Variants in BTNL8 observed in about 807,000 individuals in gnomAD.
The protein encoded by BTNL8 is butyrophilin like 8.
Under a neutral mutation model 36.1 loss-of-function variants are expected in BTNL8, and 22 were observed. The ratio of observed to expected loss-of-function variants is 0.61; its 90% CI spans 0.44 to 0.87. The LOEUF (loss-of-function observed/expected upper bound fraction) is 0.87. Ranked by LOEUF, BTNL8 falls within the 40% of genes least tolerant of loss-of-function variation. The probability of loss-of-function intolerance (pLI) is 0.00; values close to 1 mark genes in which losing one functional copy is unlikely to be tolerated. For missense variants in BTNL8, 526 were observed against 616.9 expected, an observed-to-expected ratio of 0.85 and a Z score of 1.56; for synonymous variants, 203 against 235.6, an observed-to-expected ratio of 0.86 and a Z score of 1.27.
chr5:180,902,081 C>A (rs968271207), intron 1 of BTNL8, among the ~76,000 whole-genome samples: 1 of 152,108 alleles, frequency 6.6e-6, no homozygotes, highest in Non-Finnish European at 1.5e-5. Flanking sequence ...GAAACCTTAA[C>A]GAATTGCCGC....
At chr5:180,940,145 G>A (rs866233887) in intron 3 of BTNL8, among the ~76,000 whole-genome samples, 5 of 152,110 alleles carry the variant, frequency 3.3e-5, no homozygotes, top group Admixed American at 2.0e-4. Context: ...AAGGGGTCAA[G>A]ACCAGCCTGA....
chr5:180,921,660 T>TACACAC lies in BTNL8; in HGVS notation c.673+10076_673+10081dup, dbSNP rs201708722. 6.3e-3 allele frequency among the ~76,000 whole-genome samples: 927 copies of TACACAC among 146,300 alleles called. 9 individuals carry two copies. Among genetic ancestry groups the TACACAC allele is most frequent in the African/African-American group, 0.022 (875 of 39,548 alleles). Reference sequence around the variant, plus strand: ...GGTAGATCTTATATTCTGCTCATACTACACACACACACACACACACACACA... The same window carrying TACACAC: ...GGTAGATCTTATATTCTGCTCATACTACACACACACACACACACACACACACACACA... On this transcript the variant is annotated intron_variant, in intron 3 of 7. Coordinates refer to ENST00000340184, the MANE Select transcript of BTNL8 (RefSeq NM_001040462.3).
chr5:180,909,697 G>T, intron 2 of BTNL8: 1 of 394,420 alleles, frequency 2.5e-6, no homozygotes, highest in Non-Finnish European at 3.4e-6. Flanking sequence ...CTGGGCATAT[G>T]GTAAGACCTC....
At chr5:180,932,071 A>G (rs551372593) in intron 3 of BTNL8, among the ~76,000 whole-genome samples, 3 of 152,338 alleles carry the variant, frequency 2.0e-5, no homozygotes, top group Admixed American at 6.5e-5. Flanking sequence ...ATGCCCATCA[A>G]TGATAGGCTG....
Position 180,911,602 on chromosome 5 carries a change from G to A in BTNL8, c.661G>A (p.Val221Ile), listed in dbSNP as rs201891387. The change falls in exon 3 of 8, where the codon GTA becomes ATA. Residue 221 changes from valine (V) to isoleucine (I), a missense_variant. Val to Ile is a conservative substitution (Grantham distance 29). This residue lies in a region of BTNL8 where 350 missense variants were observed against 324.6 expected (regional missense o/e 1.08). Coordinates refer to ENST00000340184, the MANE Select transcript of BTNL8 (RefSeq NM_001040462.3). The part of the protein sequence containing the change: ...AHLSREVESR[V>I]QIGDTFFEPI... The stretch of plus-strand genomic sequence containing the variant: ...TCTGAGCCGAGAGGTGGAATCCAGG[G>A]TACAGATAGGAGGTGAGTAGGGAGG... The A allele has an allele frequency of 2.6e-4, 421 of 1,611,542 alleles. No homozygotes were observed. Among genetic ancestry groups the A allele is most frequent in the Non-Finnish European group, 3.5e-4 (415 of 1,178,048 alleles).
chr5:180,949,724 A>C (rs1467304808), intron 7 of BTNL8, 180 bp from the exon 8 acceptor site: 3 of 751,338 alleles, frequency 4.0e-6, no homozygotes, highest in Non-Finnish European at 6.3e-6. Flanking sequence ...GACATTGATG[A>C]GTCCTCCAGG....
At chr5:180,901,344 T>A (rs1349407005) in intron 1 of BTNL8, among the ~76,000 whole-genome samples, 19 of 152,106 alleles carry the variant, frequency 1.2e-4, no homozygotes, top group Admixed American at 1.2e-3. Context: ...TGTGAATGAA[T>A]CAAGAGACAC....
rs1250189487 is a variant in BTNL8, at chr5:180,902,571, T to A, written c.49+3212T>A. ...TTAAGTTTTAGGGTACATGTGCACATTGTGCAGGTTAGTTACATATGTATA... is the reference window on the plus strand; with the variant it reads ...TTAAGTTTTAGGGTACATGTGCACAATGTGCAGGTTAGTTACATATGTATA... On this transcript the variant is annotated intron_variant, in intron 1 of 7. Transcript: ENST00000340184. Among the ~76,000 whole-genome samples, 7 of 151,748 alleles carry A rather than the reference T, an allele frequency of 4.6e-5. No individual in the cohort carries two copies. The South Asian group carries it at 1.3e-3, about 27-fold the overall frequency.
At chr5:180,929,542 A>T (rs1397544969) in intron 3 of BTNL8, among the ~76,000 whole-genome samples, 1 of 140,286 alleles carries the variant, frequency 7.1e-6, no homozygotes, top group East Asian at 1.9e-4. Flanking sequence ...TTTTGAAAAG[A>T]TTAACAAAAT....
At chr5:180,929,965 T>G (rs1758291842) in intron 3 of BTNL8, among the ~76,000 whole-genome samples, 1 of 152,172 alleles carries the variant, frequency 6.6e-6, no homozygotes, top group Admixed American at 6.5e-5. Flanking sequence ...ACTCATTTTA[T>G]GAGGCCACCA....
At chr5:180,932,291 C>T (rs1758425506) in intron 3 of BTNL8, among the ~76,000 whole-genome samples, 1 of 152,212 alleles carries the variant, frequency 6.6e-6, no homozygotes, top group Non-Finnish European at 1.5e-5. Flanking sequence ...ACCAGCATGG[C>T]ACATGTATAC....
intron 3 of BTNL8, among the ~76,000 whole-genome samples, chr5:180,941,332 A>C (rs1399132273): frequency 2.0e-5 from 3 of 152,234 alleles, no homozygotes; most frequent in African/African-American, 7.2e-5. Flanking sequence ...ACAAAAGCCC[A>C]AAACAAGATG....
rs772072929 is a variant in BTNL8, at chr5:180,947,540, C to A, written c.702C>A (p.His234Gln). The A allele has an allele frequency of 1.2e-6, 2 of 1,613,926 alleles. No homozygotes were observed. Among genetic ancestry groups the A allele is most frequent in the Non-Finnish European group, 1.7e-6 (2 of 1,179,800 alleles). ...CCTTTTTCGAGCCTATATCGTGGCA[C>A]CTGGCTACCAAAGTACTGGGAATAC... ...GDTFFEPISWHLATKVLGILC... is the reference protein window; with the variant it reads ...GDTFFEPISWQLATKVLGILC... The change falls in exon 4 of 8, where the codon CAC becomes CAA. Residue 234 changes from histidine (H) to glutamine (Q), a missense_variant. Physicochemically the swap from His to Gln is conservative, Grantham distance 24. Around this residue, in one of 2 missense-constraint regions of BTNL8, gnomAD observed 350 missense variants for 324.6 expected, o/e 1.08. Coordinates refer to ENST00000340184, the MANE Select transcript of BTNL8 (RefSeq NM_001040462.3).
rs375868100 is a variant in BTNL8 at position 180,948,422 on chromosome 5, G to A, written c.808+47G>A. ...AGCCTCCCACACATGGTTCTCCCGGGTCCCTCCCTGATCCACAGTTTGAGC... is the reference window on the plus strand; with the variant it reads ...AGCCTCCCACACATGGTTCTCCCGGATCCCTCCCTGATCCACAGTTTGAGC... On this transcript the variant is annotated intron_variant, in intron 5 of 7. Transcript: ENST00000340184. The A allele has an allele frequency of 3.6e-5, 57 of 1,564,664 alleles. No homozygotes were observed. In the African/African-American group the frequency reaches 7.4e-4, roughly 20 times the overall value.
At chr5:180,920,799 A>T in intron 3 of BTNL8, among the ~76,000 whole-genome samples, 1 of 152,122 alleles carries the variant, frequency 6.6e-6, no homozygotes, top group East Asian at 1.9e-4. Flanking sequence ...CATTTTCCCC[A>T]AAAGACATAT....
At chr5:180,919,165 G>A (rs1221736483) in intron 3 of BTNL8, among the ~76,000 whole-genome samples, 1 of 152,198 alleles carries the variant, frequency 6.6e-6, no homozygotes, top group African/African-American at 2.4e-5. Context: ...TCTGTCATGT[G>A]ATGCTATATG....
chr5:180,902,190 T>TGG (rs1756851429), intron 1 of BTNL8, among the ~76,000 whole-genome samples: 1 of 151,532 alleles, frequency 6.6e-6, no homozygotes, highest in Non-Finnish European at 1.5e-5. Flanking sequence ...TGTTTGGGTT[T>TGG]TTTTTTTAAT....
At chr5:180,925,499 T>C (rs566829837) in intron 3 of BTNL8, among the ~76,000 whole-genome samples, 7 of 152,378 alleles carry the variant, frequency 4.6e-5, no homozygotes, top group African/African-American at 1.4e-4. Context: ...AATGGCATTA[T>C]GTATTCAAAG....
At chr5:180,919,200 T>C (rs1204518315) in intron 3 of BTNL8, among the ~76,000 whole-genome samples, 1 of 152,238 alleles carries the variant, frequency 6.6e-6, no homozygotes, top group African/African-American at 2.4e-5. Context: ...ATTTGGTATC[T>C]TATTGCTACA....
Sources: gnomAD v4.1 joint callset for allele counts (sites outside exome capture counted in the v4.1 genomes callset) on GRCh38, gnomAD v4.1.1 for gene constraint, gnomAD v4.1.1 regional missense constraint, MANE v1.5 for transcripts, NCBI Gene and HGNC (gene_info 2026-07-23, HGNC 2026-07-21) for gene names.